The following FAM107A variants were observed in gnomAD, a reference collection of about 807,000 sequenced individuals.
The protein encoded by FAM107A is actin-associated protein FAM107A.
FAM107A carries 19 observed loss-of-function variants against 13.7 expected under a neutral mutation model. That is an observed-to-expected ratio of 1.38 (90% CI 0.97 to 2.03). The LOEUF (loss-of-function observed/expected upper bound fraction) is 2.03. Among genes scored for constraint, FAM107A ranks in the 30% most tolerant of loss-of-function variants. The pLI, the probability that FAM107A is intolerant of heterozygous loss-of-function variation, is 0.00. For missense variants in FAM107A, 203 were observed against 184.4 expected, an observed-to-expected ratio of 1.10 and a Z score of -0.58; for synonymous variants, 82 against 74.5, an observed-to-expected ratio of 1.10 and a Z score of -0.52.
intron 1 of FAM107A, among the ~76,000 whole-genome samples, chr3:58,598,577 T>C (rs2065726371): frequency 6.6e-6 from 1 of 152,200 alleles, no homozygotes; most frequent in South Asian, 2.1e-4. Context: ...TCCCCTTAAA[T>C]GCTTGCAAAA....
At chr3:58,598,206 C>T (rs1019986584) in intron 1 of FAM107A, among the ~76,000 whole-genome samples, 1 of 152,168 alleles carries the variant, frequency 6.6e-6, no homozygotes, top group African/African-American at 2.4e-5. Context: ...TTTCCATCCC[C>T]AGGGATGGAG....
upstream of FAM107A, chr3:58,589,128 C>T: frequency 1.1e-6 from 1 of 915,586 alleles, no homozygotes; most frequent in Non-Finnish European, 1.7e-6. Flanking sequence ...GAAATTGTGG[C>T]CATGGGATGT....
At position 58,613,894 on chromosome 3, in the gene FAM107A, G is replaced by GGCTC; in HGVS notation, c.-70+13518_-70+13521dup. On this transcript the variant is annotated intron_variant, in intron 1 of 3. Coordinates refer to the FAM107A transcript ENST00000465970. This position sits in a 1 kb window ranked among gnomAD's most constrained non-coding sequence, Gnocchi z 4.6. The stretch of plus-strand genomic sequence containing the variant: ...TTACATCTGCCTCAGACAGCCTTCT[G>GGCTC]GCTCTGGCTCCTGCAGGTGCCACAA... Among the ~76,000 whole-genome samples the GGCTC allele has an allele frequency of 6.6e-6, 1 of 152,248 alleles. No homozygotes were observed.
At chr3:58,601,972 T>A (rs2065756596) in intron 1 of FAM107A, among the ~76,000 whole-genome samples, 1 of 151,962 alleles carries the variant, frequency 6.6e-6, no homozygotes, top group Non-Finnish European at 1.5e-5. Flanking sequence ...AGGAACTGGA[T>A]CCCTACTAAT....
intron 1 of FAM107A, among the ~76,000 whole-genome samples, chr3:58,584,240 G>A (rs2065579679): frequency 6.6e-6 from 1 of 152,148 alleles, no homozygotes; most frequent in African/African-American, 2.4e-5. Flanking sequence ...TTTCCAATAG[G>A]GGTTTCCATT....
At chr3:58,572,646 C>G (rs1324871268) in intron 1 of FAM107A, 4 of 149,752 alleles carry the variant, frequency 2.7e-5, no homozygotes, top group Non-Finnish European at 5.9e-5. Flanking sequence ...AAAGGTTATT[C>G]TCGCTGCTGT....
chr3:58,606,240 C>T (rs2065793813), intron 1 of FAM107A, among the ~76,000 whole-genome samples: 1 of 152,202 alleles, frequency 6.6e-6, no homozygotes, highest in Admixed American at 6.5e-5. Context: ...GGATTACAAG[C>T]ACCTGCCACC....
In FAM107A at chr3:58,569,661, G is replaced by A. The variant is rs758437187; in HGVS notation, c.170+30C>T. The stretch of plus-strand genomic sequence containing the variant: ...ATCCCCCACAGGCCCAGGTGCTTGC[G>A]GGGCCCAGGCAGCAGGGCTTCATCC... On this transcript the variant is annotated intron_variant, in intron 2 of 3. Coordinates refer to ENST00000360997, the MANE Select transcript of FAM107A (RefSeq NM_001076778.3). This position sits in a 1 kb window ranked among gnomAD's most constrained non-coding sequence, Gnocchi z 5.7. 5.7e-6 allele frequency: 9 copies of A among 1,588,308 alleles called. No individual in the cohort carries two copies. Among genetic ancestry groups the A allele is most frequent in the South Asian group, 2.3e-5 (2 of 88,168 alleles).
chr3:58,597,852 G>A (rs1203536279), intron 1 of FAM107A, among the ~76,000 whole-genome samples: 3 of 152,194 alleles, frequency 2.0e-5, no homozygotes, highest in African/African-American at 7.2e-5. Context: ...TACACAGCTG[G>A]CAAGTGGCAG....
At chr3:58,594,822 A>G (rs2065684699) in intron 1 of FAM107A, among the ~76,000 whole-genome samples, 1 of 152,196 alleles carries the variant, frequency 6.6e-6, no homozygotes, top group African/African-American at 2.4e-5. Flanking sequence ...TTGATATATG[A>G]CAACACAAAA....
intron 1 of FAM107A, among the ~76,000 whole-genome samples, chr3:58,582,852 G>A (rs1381963271): frequency 6.6e-6 from 1 of 152,206 alleles, no homozygotes; most frequent in Non-Finnish European, 1.5e-5. Context: ...AGGCTGGAGG[G>A]CAGTGGCACG....
upstream of FAM107A, among the ~76,000 whole-genome samples, chr3:58,582,007 CGTGT>C (rs576674128): frequency 3.4e-4 from 52 of 151,974 alleles, 1 homozygote; most frequent in South Asian, 9.8e-3. Flanking sequence ...TGTGTGTGTG[CGTGT>C]GTGTGTCTGT....
intron 1 of FAM107A, among the ~76,000 whole-genome samples, chr3:58,593,966 C>T (rs957358466): frequency 1.3e-5 from 2 of 152,038 alleles, no homozygotes; most frequent in African/African-American, 4.8e-5. Context: ...ATGTCAGTTC[C>T]ACCCCTCCCC....
chr3:58,567,970 T>C (rs1250972230), intron 2 of FAM107A, among the ~76,000 whole-genome samples: 2 of 152,144 alleles, frequency 1.3e-5, no homozygotes, highest in East Asian at 3.9e-4. Flanking sequence ...AAGGACTTGC[T>C]CTGTTGCCCA....
chr3:58,600,260 G>A (rs1017074014), intron 1 of FAM107A, among the ~76,000 whole-genome samples: 1 of 152,092 alleles, frequency 6.6e-6, no homozygotes, highest in South Asian at 2.1e-4. Flanking sequence ...TTTCAGGGTA[G>A]GTACTGTTTA....
At chr3:58,611,265 GAGGCC>G (rs1276288735) in intron 1 of FAM107A, among the ~76,000 whole-genome samples, 5 of 5,748 alleles carry the variant, frequency 8.7e-4, no homozygotes, top group Non-Finnish European at 1.2e-3. Flanking sequence ...AATGTGCAAG[GAGGCC>G]CTGCCAGGGG....
At chr3:58,612,187 A>G (rs543800268) in intron 1 of FAM107A, among the ~76,000 whole-genome samples, 1 of 152,306 alleles carries the variant, frequency 6.6e-6, no homozygotes, top group Admixed American at 6.5e-5. Context: ...TATATCTACT[A>G]AGATGTGAAG....
At chr3:58,627,133 G>T (rs558476749) in intron 1 of FAM107A, 79 of 798,334 alleles carry the variant, frequency 9.9e-5, no homozygotes, top group Non-Finnish European at 1.5e-4. Context: ...CATTCTCCCA[G>T]GCACAAAGGC....
chr3:58,586,825 T>C, intron 1 of FAM107A: 1 of 1,514,986 alleles, frequency 6.6e-7, no homozygotes, highest in Non-Finnish European at 8.8e-7. Context: ...CTCGCCCACT[T>C]CCCGCGGCGA....
Sources: gnomAD v4.1 joint callset for allele counts (sites outside exome capture counted in the v4.1 genomes callset) on GRCh38, gnomAD v4.1.1 for gene constraint, Gnocchi (gnomAD v3.1) non-coding constraint, MANE v1.5 for transcripts, NCBI Gene and HGNC (gene_info 2026-07-23, HGNC 2026-07-21) for gene names.